The following GTF2F2 variants were observed in gnomAD, a reference collection of about 807,000 sequenced individuals.
The protein encoded by GTF2F2 is general transcription factor IIF subunit 2.
In GTF2F2, 23 loss-of-function variants were observed where a neutral mutation model predicts 42.2. The ratio of observed to expected loss-of-function variants is 0.55; its 90% CI spans 0.39 to 0.77. GTF2F2 has a LOEUF of 0.77. GTF2F2 is among the 30% of genes least tolerant of loss of function. The pLI is 0.00. For synonymous variants in GTF2F2, 105 were observed against 100.8 expected, an observed-to-expected ratio of 1.04 and a Z score of -0.25; for missense variants, 261 against 287.2, an observed-to-expected ratio of 0.91 and a Z score of 0.66.
At chr13:45,180,717 T>G (rs1191217425) in intron 4 of GTF2F2, among the ~76,000 whole-genome samples, 8 of 152,190 alleles carry the variant, frequency 5.3e-5, no homozygotes, top group Admixed American at 5.2e-4. Flanking sequence ...CAATAAAAAT[T>G]TATTTAATTA....
At chr13:45,231,207 A>G (rs982220106) in intron 5 of GTF2F2, among the ~76,000 whole-genome samples, 2 of 152,132 alleles carry the variant, frequency 1.3e-5, no homozygotes, top group African/African-American at 4.8e-5. Context: ...TCCCAGGTTC[A>G]AGCAATTCTT....
chr13:45,168,738 G>C (rs1409108477), intron 4 of GTF2F2, among the ~76,000 whole-genome samples: 3 of 151,864 alleles, frequency 2.0e-5, no homozygotes, highest in Non-Finnish European at 2.9e-5. Context: ...TCAGCCTCCT[G>C]AGTAGCTGGA....
intron 5 of GTF2F2, among the ~76,000 whole-genome samples, chr13:45,231,226 G>C (rs546194739): frequency 1.2e-4 from 18 of 152,120 alleles, no homozygotes; most frequent in African/African-American, 4.3e-4. Context: ...TTCTCCCTCA[G>C]CCTCCCGAGT....
chr13:45,179,148 T>C (rs7994874), intron 4 of GTF2F2, among the ~76,000 whole-genome samples: 53,519 of 152,092 alleles, frequency 0.35, 12,863 homozygotes, highest in African/African-American at 0.68. Flanking sequence ...TCACAGGACC[T>C]GCTCAGATTC....
At chr13:45,122,893 A>G (rs1868731208) in intron 1 of GTF2F2, among the ~76,000 whole-genome samples, 1 of 152,180 alleles carries the variant, frequency 6.6e-6, no homozygotes, top group South Asian at 2.1e-4. Flanking sequence ...CTGTGTAAAT[A>G]CAGTAAGAAC....
In GTF2F2 at chr13:45,146,595, A is replaced by G. The variant is rs143959719; in HGVS notation, c.141-3175A>G. Among the ~76,000 whole-genome samples, 161 of 152,344 alleles carry G rather than the reference A, an allele frequency of 1.1e-3. 4 individuals carry two copies. In the East Asian group the frequency reaches 0.025, roughly 24 times the overall value. ...GGTGTTGCTTATTGCCTGTTAGTGA[A>G]AAGCCAGGCCCCATTGGTACCAAAT... On this transcript the variant is annotated intron_variant, in intron 2 of 7. Coordinates refer to ENST00000340473, the MANE Select transcript of GTF2F2 (RefSeq NM_004128.3).
intron 5 of GTF2F2, among the ~76,000 whole-genome samples, chr13:45,225,411 A>G (rs926515324): frequency 6.6e-6 from 1 of 152,080 alleles, no homozygotes; most frequent in Non-Finnish European, 1.5e-5. Context: ...ATCATTTCTT[A>G]TTTCTTAAAC....
At chr13:45,137,106 T>C (rs1869669611) in intron 2 of GTF2F2, among the ~76,000 whole-genome samples, 1 of 152,214 alleles carries the variant, frequency 6.6e-6, no homozygotes, top group Admixed American at 6.5e-5. Context: ...CTCCATCCTG[T>C]CTGCCTCCTT....
chr13:45,257,006 G>A (rs547944368), intron 6 of GTF2F2, among the ~76,000 whole-genome samples: 2 of 152,052 alleles, frequency 1.3e-5, no homozygotes, highest in Non-Finnish European at 2.9e-5. Context: ...CCTACATTTG[G>A]TCAGAAAGAA....
chr13:45,222,159 A>G (rs1457764305), intron 5 of GTF2F2, among the ~76,000 whole-genome samples: 6 of 152,290 alleles, frequency 3.9e-5, no homozygotes, highest in South Asian at 4.1e-4. Context: ...CATACTGACT[A>G]TATCTCCACC....
chr13:45,212,288 C>G (rs1873682514), intron 5 of GTF2F2, among the ~76,000 whole-genome samples: 1 of 152,024 alleles, frequency 6.6e-6, no homozygotes, highest in Non-Finnish European at 1.5e-5. Context: ...TCTTACTTGT[C>G]TTTATTTTCA....
At chr13:45,188,352 A>C (rs1382613468) in intron 4 of GTF2F2, among the ~76,000 whole-genome samples, 1 of 152,236 alleles carries the variant, frequency 6.6e-6, no homozygotes, top group Non-Finnish European at 1.5e-5. Context: ...TGCCTATAGC[A>C]ATTTAAAGTA....
chr13:45,267,115 C>G (rs111495134), intron 6 of GTF2F2, 118 bp from the exon 7 acceptor site: 47 of 776,894 alleles, frequency 6.0e-5, no homozygotes, highest in Non-Finnish European at 8.9e-5. Flanking sequence ...TGCCACTGCA[C>G]TCCAGCCTGG....
chr13:45,191,958 A>G (rs937284894), intron 4 of GTF2F2, among the ~76,000 whole-genome samples: 6 of 152,154 alleles, frequency 3.9e-5, no homozygotes, highest in Non-Finnish European at 8.8e-5. Flanking sequence ...AAGATATGTC[A>G]GGGTTATTTT....
chr13:45,191,224 A>ATATATAT lies in GTF2F2; in HGVS notation c.305-16200_305-16199insTATATAT, dbSNP rs1555267736. 6.8e-3 allele frequency among the ~76,000 whole-genome samples: 509 copies of ATATATAT among 75,270 alleles called. 7 individuals are homozygous for ATATATAT. Among genetic ancestry groups the ATATATAT allele is most frequent in the Middle Eastern group, 0.014 (2 of 138 alleles). The allele number at this position is 75,270 out of a possible 152,430, so 49.4% of individuals were successfully genotyped here. On this transcript the variant is annotated intron_variant, in intron 4 of 7. Coordinates refer to ENST00000340473, the MANE Select transcript of GTF2F2 (RefSeq NM_004128.3). Reference sequence around the variant, plus strand: ...GTCTCTACTAAAAATACAAAAAAAAAATATATATATATATATATATATATA... The same window carrying ATATATAT: ...GTCTCTACTAAAAATACAAAAAAAAATATATATATATATATATATATATATATATATA...
At chr13:45,212,475 C>CTTTTCT (rs368606152) in intron 5 of GTF2F2, among the ~76,000 whole-genome samples, 51 of 90,396 alleles carry the variant, frequency 5.6e-4, no homozygotes, top group Middle Eastern at 5.4e-3. Context: ...TTCTTTCTTT[C>CTTTTCT]TTTCTTTCTT....
chr13:45,186,135 C>A lies in GTF2F2; in HGVS notation c.305-21289C>A, dbSNP rs537003143. Among the ~76,000 whole-genome samples the A allele has an allele frequency of 1.4e-4, 21 of 151,972 alleles. 1 individual carries two copies. Among genetic ancestry groups the A allele is most frequent in the African/African-American group, 4.6e-4 (19 of 41,470 alleles). On this transcript the variant is annotated intron_variant, in intron 4 of 7. Coordinates refer to ENST00000340473, the MANE Select transcript of GTF2F2 (RefSeq NM_004128.3). ...GATTACAGGCATGCGCCACCATGCC[C>A]AGCTAAGTTTTATATTTTTAGTAGA...
chr13:45,127,778 G>A (rs1181601579), intron 1 of GTF2F2, among the ~76,000 whole-genome samples: 18 of 151,554 alleles, frequency 1.2e-4, no homozygotes, highest in Non-Finnish European at 2.2e-4. Flanking sequence ...GATTACAGGC[G>A]CCTGCCACCA....
intron 4 of GTF2F2, among the ~76,000 whole-genome samples, chr13:45,159,752 C>A (rs749644298): frequency 6.6e-6 from 1 of 152,166 alleles, no homozygotes; most frequent in Non-Finnish European, 1.5e-5. Context: ...GGATTACAAG[C>A]GTTGGCCACC....
Sources: gnomAD v4.1 joint callset for allele counts (sites outside exome capture counted in the v4.1 genomes callset) on GRCh38, gnomAD v4.1.1 for gene constraint, MANE v1.5 for transcripts, NCBI Gene and HGNC (gene_info 2026-07-23, HGNC 2026-07-21) for gene names.